DLG2: variants seen among roughly 807,000 people sequenced by gnomAD.
DLG2 encodes discs large MAGUK scaffold protein 2, also known as disks large homolog 2.
A neutral mutation model predicts 132.5 loss-of-function variants in DLG2; 45 were observed. The ratio of observed to expected loss-of-function variants is 0.34; its 90% confidence interval spans 0.27 to 0.44. DLG2 has a LOEUF of 0.44. DLG2 is among the 20% of genes least tolerant of loss of function. DLG2 has a pLI of 1.00. For synonymous variants in DLG2, 424 were observed against 419.6 expected (o/e 1.01, Z -0.13); for missense variants, 1,045 against 1,196.9 (o/e 0.87, Z 1.87).
intron 4 of DLG2, among the ~76,000 whole-genome samples, chr11:85,174,976 T>C (rs1324452243): frequency 6.6e-6 from 1 of 152,030 alleles, no homozygotes; most frequent in African/African-American, 2.4e-5. Context: ...AAGGAATAAA[T>C]AGCCTAGCAA....
At chr11:85,037,752 T>A (rs986607211) in intron 6 of DLG2, among the ~76,000 whole-genome samples, 7 of 152,138 alleles carry the variant, frequency 4.6e-5, no homozygotes, top group African/African-American at 1.4e-4. Flanking sequence ...TCAAAGAATA[T>A]GAGAATCTTA....
At chr11:84,255,760 C>CA (rs147397622) in intron 7 of DLG2, among the ~76,000 whole-genome samples, 1,592 of 152,020 alleles carry the variant, frequency 0.01, 26 homozygotes, top group African/African-American at 0.035. Flanking sequence ...AAATCTAGAA[C>CA]AAAATCTTTC....
At chr11:85,074,558 C>G (rs1165876627) in intron 6 of DLG2, among the ~76,000 whole-genome samples, 1 of 151,838 alleles carries the variant, frequency 6.6e-6, no homozygotes, top group African/African-American at 2.4e-5. Context: ...ATACATTTAT[C>G]TGTAAAAACT....
At position 85,141,769 on chromosome 11, in the gene DLG2, A is replaced by G. The variant is rs375022003; in HGVS notation, c.282+12787T>C. The stretch of plus-strand genomic sequence containing the variant: ...TAGGGTTGTAGTTTCATTTTTCTGC[A>G]CATGGATATCCAGTTTTCCTGGCAC... On this transcript the variant is annotated intron_variant, in intron 5 of 27. Transcript: ENST00000376104. Among the ~76,000 whole-genome samples the G allele has an allele frequency of 8.2e-4, 125 of 151,954 alleles. 1 individual carries two copies. The highest frequency in any genetic ancestry group is 2.8e-3 in the African/African-American group (115 of 41,544).
chr11:85,515,848 G>T (rs1216323536), intron 3 of DLG2, among the ~76,000 whole-genome samples: 1 of 151,956 alleles, frequency 6.6e-6, no homozygotes, highest in African/African-American at 2.4e-5. Flanking sequence ...ATGAGTAAAA[G>T]CATGATACTA....
At chr11:83,630,273 A>G (rs2060147) in intron 19 of DLG2, among the ~76,000 whole-genome samples, 37,651 of 152,016 alleles carry the variant, frequency 0.25, 5,000 homozygotes, top group African/African-American at 0.33. Flanking sequence ...GCAAGACCCC[A>G]GGAAGGTACA....
chr11:84,891,240 T>A (rs189192768), intron 6 of DLG2, among the ~76,000 whole-genome samples: 1 of 152,134 alleles, frequency 6.6e-6, no homozygotes, highest in African/African-American at 2.4e-5. Flanking sequence ...CACAGACACA[T>A]GTACAGCATA....
rs536303679 is a variant in DLG2 at position 84,862,042 on chromosome 11, G to A, written c.357+249619C>T. The stretch of plus-strand genomic sequence containing the variant: ...CACACTCTGGGGACTGTTGTGGGGT[G>A]GGGGGAGGGGGGAGGGATAGCACTG... On this transcript the variant is annotated intron_variant, in intron 6 of 27. Coordinates refer to ENST00000376104, the MANE Select transcript of DLG2 (RefSeq NM_001142699.3). Among the ~76,000 whole-genome samples the A allele has an allele frequency of 5.2e-3, 626 of 119,438 alleles. 8 individuals are homozygous for A. Among genetic ancestry groups the A allele is most frequent in the African/African-American group, 0.019 (597 of 32,262 alleles). The allele number at this position is 119,438 out of a possible 152,430, so 78.4% of individuals were successfully genotyped here. A position where few individuals can be genotyped will look rare whatever the true frequency, so the allele number is the denominator to read the frequency against.
At chr11:84,847,307 C>T (rs1412048350) in intron 6 of DLG2, among the ~76,000 whole-genome samples, 1 of 152,102 alleles carries the variant, frequency 6.6e-6, no homozygotes, top group Non-Finnish European at 1.5e-5. Context: ...AGGTTGTTTG[C>T]ATGACAGTGT....
intron 16 of DLG2, among the ~76,000 whole-genome samples, chr11:83,849,749 CTTT>C (rs67717983): frequency 1.1e-4 from 16 of 146,022 alleles, no homozygotes; most frequent in Non-Finnish European, 1.8e-4. Context: ...TCTGGAGCTC[CTTT>C]TTTTTTTTTT....
At chr11:85,351,212 T>C (rs561668874) in intron 3 of DLG2, among the ~76,000 whole-genome samples, 2 of 152,304 alleles carry the variant, frequency 1.3e-5, no homozygotes, top group South Asian at 4.1e-4. Context: ...TCTCTGTTGG[T>C]TTGTTAATGG....
chr11:84,030,469 C>T (rs930804882), intron 11 of DLG2, among the ~76,000 whole-genome samples: 1 of 152,086 alleles, frequency 6.6e-6, no homozygotes, highest in Non-Finnish European at 1.5e-5. Context: ...GATCAATGCC[C>T]TTCCATGGCC....
At chr11:84,092,179 C>T (rs2097103255) in intron 10 of DLG2, among the ~76,000 whole-genome samples, 1 of 152,194 alleles carries the variant, frequency 6.6e-6, no homozygotes, top group South Asian at 2.1e-4. Flanking sequence ...TTCACAGGTC[C>T]TGTCCACATT....
chr11:85,596,880 T>G (rs577484231), intron 3 of DLG2, among the ~76,000 whole-genome samples: 1 of 152,356 alleles, frequency 6.6e-6, no homozygotes. Flanking sequence ...GGTGCCCACA[T>G]TGAATTCAAA....
chr11:85,411,977 C>T (rs1271394964), intron 3 of DLG2, among the ~76,000 whole-genome samples: 1 of 151,828 alleles, frequency 6.6e-6, no homozygotes, highest in Non-Finnish European at 1.5e-5. Flanking sequence ...TCTGCAAATC[C>T]ATTCTATTCT....
chr11:85,294,238 C>T (rs903561513), intron 3 of DLG2, among the ~76,000 whole-genome samples: 3 of 151,792 alleles, frequency 2.0e-5, no homozygotes, highest in South Asian at 4.2e-4. Flanking sequence ...ATTCTTATAA[C>T]TTTTCTGTAT....
In DLG2 at chr11:85,473,331, A is replaced by G. The variant is rs75473647; in HGVS notation, c.40+125326T>C. 1.4e-4 allele frequency among the ~76,000 whole-genome samples: 21 copies of G among 152,370 alleles called. 1 individual carries two copies. Among genetic ancestry groups the G allele is most frequent in the African/African-American group, 4.1e-4 (17 of 41,592 alleles). On this transcript the variant is annotated intron_variant, in intron 3 of 27. Transcript: ENST00000376104. ...AACAGCCCCCCAAAAATCCTGTGTC[A>G]AAATGTTGGAAAATAATAATCAGTT...
chr11:83,549,411 T>C (rs1303823154), intron 19 of DLG2, among the ~76,000 whole-genome samples: 1 of 152,170 alleles, frequency 6.6e-6, no homozygotes, highest in Non-Finnish European at 1.5e-5. Context: ...TTGTCATTCC[T>C]ACATCTCACA....
At chr11:84,345,624 CTA>C (rs1418899470) in intron 7 of DLG2, among the ~76,000 whole-genome samples, 1 of 152,098 alleles carries the variant, frequency 6.6e-6, no homozygotes, top group African/African-American at 2.4e-5. Context: ...GTGTCACAAT[CTA>C]TGTTTCTTTT....
Sources: allele counts gnomAD v4.1 joint callset (sites outside exome capture counted in the v4.1 genomes callset), GRCh38; gene constraint gnomAD v4.1.1; transcripts MANE v1.5; gene names NCBI Gene and HGNC (gene_info 2026-07-23, HGNC 2026-07-21).